The following SLC25A33 variants were observed in gnomAD, a reference collection of about 807,000 sequenced individuals.
SLC25A33 encodes the protein solute carrier family 25 member 33.
Under a neutral mutation model 35.5 loss-of-function variants are expected in SLC25A33, and 15 were observed. The ratio of observed to expected loss-of-function variants is 0.42; its 90% CI spans 0.28 to 0.65. The LOEUF is 0.65. Ranked by LOEUF, SLC25A33 falls within the 30% of genes least tolerant of loss-of-function variation. SLC25A33 has a pLI of 0.20. For missense variants in SLC25A33, 257 were observed against 398.5 expected (o/e 0.64, Z 3.02); for synonymous variants, 136 against 148.7 (o/e 0.91, Z 0.62).
chr1:9,570,334 C>T lies in SLC25A33; in HGVS notation c.391C>T (p.His131Tyr), dbSNP rs780321083. Residue 131 changes from histidine (H) to tyrosine (Y), a missense_variant, in exon 4 of 7, where the codon CAT (histidine) becomes TAT (tyrosine). His to Tyr is a moderately conservative substitution (Grantham distance 83). Transcript: ENST00000302692. ...GIFVPNSNIV[H>Y]IFSAGSAAFI... is the part of the protein sequence containing the mutation. ...TTTCGTGCCTAACAGCAATATTGTG[C>T]ATATTTTCTCAGCTGGCTCTGCAGG... 6.2e-7 allele frequency: 1 copy of T among 1,613,866 alleles called. No homozygotes were observed. Among genetic ancestry groups the T allele is most frequent in the East Asian group, 2.2e-5 (1 of 44,868 alleles).
At chr1:9,554,927 ATAAT>A (rs1643318596) in intron 2 of SLC25A33, among the ~76,000 whole-genome samples, 1 of 152,122 alleles carries the variant, frequency 6.6e-6, no homozygotes. Flanking sequence ...GAGATGCTCT[ATAAT>A]TAATAGTTGA....
At chr1:9,548,961 C>A (rs530130428) in intron 1 of SLC25A33, among the ~76,000 whole-genome samples, 5 of 152,254 alleles carry the variant, frequency 3.3e-5, no homozygotes, top group African/African-American at 1.2e-4. Context: ...GGTGTGTGGG[C>A]AGAGAGGATT....
chr1:9,573,591 AG>A (rs1465298354), intron 5 of SLC25A33, among the ~76,000 whole-genome samples, 179 bp downstream of exon 5: 1 of 152,172 alleles, frequency 6.6e-6, no homozygotes, highest in African/African-American at 2.4e-5. Flanking sequence ...CATCATGGGA[AG>A]ATGAGGGCGA....
At chr1:9,571,583 G>C (rs1357197928) in intron 4 of SLC25A33, among the ~76,000 whole-genome samples, 3 of 152,054 alleles carry the variant, frequency 2.0e-5, no homozygotes, top group Non-Finnish European at 4.4e-5. Context: ...GGCCGAGAAG[G>C]CTCTTTTGTA....
chr1:9,560,339 C>G (rs938257945), intron 2 of SLC25A33, among the ~76,000 whole-genome samples: 23 of 151,570 alleles, frequency 1.5e-4, no homozygotes, highest in Admixed American at 1.3e-4. Context: ...CCGAGGCGGG[C>G]GGATCACGAG....
At chr1:9,575,872 T>C (rs1483283477) in intron 5 of SLC25A33, among the ~76,000 whole-genome samples, 1 of 152,230 alleles carries the variant, frequency 6.6e-6, no homozygotes, top group Admixed American at 6.5e-5. Context: ...TCAGCAGTCC[T>C]GTAGTTTTCC....
At chr1:9,562,081 T>C (rs1391600606) in intron 2 of SLC25A33, among the ~76,000 whole-genome samples, 1 of 148,162 alleles carries the variant, frequency 6.7e-6, no homozygotes, top group Non-Finnish European at 1.5e-5. Flanking sequence ...ATATTCGTGT[T>C]TCACGCCTGC....
chr1:9,540,199 G>A (rs1289100722), intron 1 of SLC25A33, among the ~76,000 whole-genome samples: 2 of 152,156 alleles, frequency 1.3e-5, no homozygotes, highest in Non-Finnish European at 1.5e-5. Flanking sequence ...AGCGCGGGAG[G>A]TCATCCGGAC....
In SLC25A33 at chr1:9,574,118, C is replaced by CTTTTT. The variant is rs57215050; in HGVS notation, c.482+718_482+722dup. On this transcript the variant is annotated intron_variant, in intron 5 of 6. Transcript: ENST00000302692. Reference sequence around the variant, plus strand: ...AATGTATTTTGTTTCCTTTTCTTTTCTTTTTTTTTTTTTTTTGTTCTTTTG... The same window carrying CTTTTT: ...AATGTATTTTGTTTCCTTTTCTTTTCTTTTTTTTTTTTTTTTTTTTTGTTCTTTTG... Among the ~76,000 whole-genome samples, 341 of 134,248 alleles carry CTTTTT rather than the reference C, an allele frequency of 2.5e-3. 4 individuals carry two copies. The highest frequency in any genetic ancestry group is 7.3e-3 in the African/African-American group (264 of 36,318). The allele number at this position is 134,248 out of a possible 152,430, so 88.1% of individuals were successfully genotyped here.
intron 5 of SLC25A33, among the ~76,000 whole-genome samples, chr1:9,579,497 C>T (rs919035134): frequency 2.0e-5 from 3 of 151,706 alleles, no homozygotes; most frequent in Non-Finnish European, 4.4e-5. Flanking sequence ...TAGAGGACAT[C>T]GCAAGGATAC....
intron 5 of SLC25A33, among the ~76,000 whole-genome samples, chr1:9,574,173 G>C (rs192316263): frequency 1.4e-5 from 2 of 138,828 alleles, no homozygotes; most frequent in South Asian, 4.4e-4. Context: ...ACCCAGCCTC[G>C]ACCTCCCAGG....
At position 9,582,327 on chromosome 1, in the gene SLC25A33, G is replaced by C. The variant is rs772260426; in HGVS notation, c.792G>C (p.Glu264Asp). The C allele has an allele frequency of 5.0e-6, 8 of 1,614,000 alleles. No individual in the cohort carries two copies. In the East Asian group the frequency reaches 6.7e-5, roughly 13 times the overall value. The change falls in exon 7 of 7, where the codon GAG (glutamate) becomes GAC (aspartate). Residue 264 changes from glutamate to aspartate, a missense_variant. Glu to Asp is a conservative substitution (Grantham distance 45). Transcript: ENST00000302692. The surrounding 1 kb of genome is among the most constrained non-coding windows in gnomAD (Gnocchi z 4.0). ...HEVIRTRLRE[E>D]GTKYKSFVQT... ...TCATAAGGACGAGGCTCCGGGAAGA[G>C]GGCACCAAGTACAAGTCTTTTGTCC... is the stretch of plus-strand genomic sequence containing the variant.
At chr1:9,554,353 ATGTTTGTT>A (rs1210773987) in intron 2 of SLC25A33, among the ~76,000 whole-genome samples, 1 of 151,600 alleles carries the variant, frequency 6.6e-6, no homozygotes, top group African/African-American at 2.4e-5. Context: ...AAGAAACAAA[ATGTTTGTT>A]TGTTTGTTTG....
At chr1:9,569,710 C>T (rs1280634561) in intron 3 of SLC25A33, among the ~76,000 whole-genome samples, 1 of 152,030 alleles carries the variant, frequency 6.6e-6, no homozygotes, top group Admixed American at 6.6e-5. Context: ...GGGAAGACAG[C>T]AGGGGGAAAA....
Position 9,582,332 on chromosome 1 carries a change from C to T in SLC25A33, c.797C>T (p.Thr266Ile), listed in dbSNP as rs201307204. The change falls in exon 7 of 7, where the codon ACC becomes ATC. Residue 266 changes from threonine (T) to isoleucine (I), a missense_variant. Transcript: ENST00000302692. The surrounding 1 kb of genome is among the most constrained non-coding windows in gnomAD (Gnocchi z 4.0). ...AGGACGAGGCTCCGGGAAGAGGGCA[C>T]CAAGTACAAGTCTTTTGTCCAGACG... The part of the protein sequence containing the change: ...VIRTRLREEG[T>I]KYKSFVQTAR... The T allele has an allele frequency of 6.2e-7, 1 of 1,613,958 alleles. No individual in the cohort carries two copies. The highest frequency in any genetic ancestry group is 8.5e-7 in the Non-Finnish European group (1 of 1,179,870).
chr1:9,552,686 A>G (rs552656365), intron 1 of SLC25A33, among the ~76,000 whole-genome samples: 4 of 152,192 alleles, frequency 2.6e-5, no homozygotes, highest in African/African-American at 7.2e-5. Flanking sequence ...TGGAAATTAC[A>G]TGAATGTCCA....
At chr1:9,552,560 G>T (rs538402567) in intron 1 of SLC25A33, among the ~76,000 whole-genome samples, 58 of 152,226 alleles carry the variant, frequency 3.8e-4, no homozygotes, top group African/African-American at 1.3e-3. Flanking sequence ...TTTAAGAAGG[G>T]TCTGTATTGG....
intron 5 of SLC25A33, among the ~76,000 whole-genome samples, chr1:9,577,937 G>A (rs1643686354): frequency 6.6e-6 from 1 of 152,048 alleles, no homozygotes; most frequent in Non-Finnish European, 1.5e-5. Context: ...GTTTTGTTTT[G>A]TTTTGAGACA....
chr1:9,576,256 G>A (rs1643659829), intron 5 of SLC25A33, among the ~76,000 whole-genome samples: 1 of 152,166 alleles, frequency 6.6e-6, no homozygotes, highest in African/African-American at 2.4e-5. Context: ...TCACAGATAA[G>A]ATAATTAAAG....
Sources: allele counts gnomAD v4.1 joint callset (sites outside exome capture counted in the v4.1 genomes callset), GRCh38; gene constraint gnomAD v4.1.1; non-coding constraint Gnocchi (gnomAD v3.1); transcripts MANE v1.5; gene names NCBI Gene and HGNC (gene_info 2026-07-23, HGNC 2026-07-21).